SEC22B: variants seen among roughly 807,000 people sequenced by gnomAD.
SEC22B encodes the protein vesicle-trafficking protein SEC22b.
A neutral mutation model predicts 31.4 loss-of-function variants in SEC22B; 10 were observed. The observed-to-expected ratio is 0.32, with a 90% CI of 0.20 to 0.54. The LOEUF (loss-of-function observed/expected upper bound fraction) is 0.54. SEC22B is among the 20% of genes least tolerant of loss of function. The pLI is 0.94. For synonymous variants in SEC22B, 60 were observed against 95.9 expected, an observed-to-expected ratio of 0.63 and a Z score of 2.19; for missense variants, 130 against 263.4, an observed-to-expected ratio of 0.49 and a Z score of 3.50.
intron 1 of SEC22B, among the ~76,000 whole-genome samples, chr1:120,169,613 C>T (rs1471582108): frequency 6.0e-5 from 9 of 149,564 alleles, no homozygotes; most frequent in Non-Finnish European, 1.2e-4. Context: ...GTTATAATTA[C>T]AGGTAATATT....
intron 2 of SEC22B, among the ~76,000 whole-genome samples, chr1:120,167,635 G>A (rs1451079713): frequency 2.0e-5 from 3 of 151,644 alleles, no homozygotes; most frequent in Non-Finnish European, 4.4e-5. Flanking sequence ...TAGTATACTT[G>A]TTTGAGTATA....
chr1:120,163,440 A>ATC (rs1657751727), intron 2 of SEC22B, 70 bp from the exon 3 acceptor site: 1 of 1,044,362 alleles, frequency 9.6e-7, no homozygotes, highest in Non-Finnish European at 1.3e-6. Context: ...TTAAAGCAGA[A>ATC]TCTCTGTACC....
At position 120,153,263 on chromosome 1, in the gene SEC22B, AC is replaced by A; in HGVS notation, c.*3774del. ...TGGGAAAAAACCAACCAACCAACCA[AC>A]CAAACAAAAGAAAAACCCACCAGGT... On this transcript the variant is annotated 3_prime_UTR_variant, in exon 5 of 5. Coordinates refer to ENST00000578049, the MANE Select transcript of SEC22B (RefSeq NM_004892.6). The A allele has an allele frequency of 7.0e-6, 1 of 143,388 alleles. No individual in the cohort carries two copies. The allele number at this position is 143,388 out of a possible 1,614,324, so 8.9% of individuals were successfully genotyped here. A position where few individuals can be genotyped will look rare whatever the true frequency, so the allele number is the denominator to read the frequency against.
Position 120,176,502 on chromosome 1 carries a change from C to G in SEC22B, c.-121G>C. The G allele has an allele frequency of 2.3e-6, 2 of 869,874 alleles. No homozygotes were observed. Among genetic ancestry groups the G allele is most frequent in the Non-Finnish European group, 3.6e-6 (2 of 554,386 alleles). The allele number at this position is 869,874 out of a possible 1,614,324, so 53.9% of individuals were successfully genotyped here. A position where few individuals can be genotyped will look rare whatever the true frequency, so the allele number is the denominator to read the frequency against. ...TTACCGGAGATCCAGCTGCTTGCGT[C>G]TCCGCTTCCCGCTGAGGTGGCCGGA... On this transcript the variant is annotated 5_prime_UTR_variant, in exon 1 of 5. Coordinates refer to ENST00000578049, the MANE Select transcript of SEC22B (RefSeq NM_004892.6).
chr1:120,176,417 A>C lies in SEC22B; in HGVS notation c.-36T>G. ...TACAGGGATCCAACACTGGCCCGGA[A>C]GGCCCTTGGCGCCGTCCTCACTTCC... is the stretch of plus-strand genomic sequence containing the variant. On this transcript the variant is annotated 5_prime_UTR_variant, in exon 1 of 5. Transcript: ENST00000578049. The C allele has an allele frequency of 6.3e-7, 1 of 1,598,118 alleles. No individual in the cohort carries two copies.
At chr1:120,160,637 C>T (rs1657700139) in intron 3 of SEC22B, 107 bp from the exon 4 acceptor site, 1 of 867,834 alleles carries the variant, frequency 1.2e-6, no homozygotes, top group Non-Finnish European at 1.7e-6. Context: ...CACCTGTAAT[C>T]CCAGCACTTT....
chr1:120,162,870 G>C (rs1390557531), intron 3 of SEC22B, among the ~76,000 whole-genome samples: 1 of 151,910 alleles, frequency 6.6e-6, no homozygotes, highest in Non-Finnish European at 1.5e-5. Context: ...CTGTGGACTG[G>C]GGTAAAGAAG....
chr1:120,166,083 C>T (rs1285249710), intron 2 of SEC22B, among the ~76,000 whole-genome samples: 105 of 150,818 alleles, frequency 7.0e-4, no homozygotes, highest in Admixed American at 2.0e-3. Flanking sequence ...AAAACCACAA[C>T]GACATATTAT....
At chr1:120,162,787 A>G (rs1432284825) in intron 3 of SEC22B, among the ~76,000 whole-genome samples, 1 of 152,164 alleles carries the variant, frequency 6.6e-6, no homozygotes, top group Non-Finnish European at 1.5e-5. Context: ...TTCTACTAAA[A>G]GAAACAAAAC....
At chr1:120,157,387 T>C (rs1388689750) in intron 4 of SEC22B, 195 bp from the exon 5 acceptor site, 5 of 386,822 alleles carry the variant, frequency 1.3e-5, no homozygotes, top group African/African-American at 1.0e-4. Context: ...TGAGGCTATA[T>C]AGTAAGGTGG....
intron 1 of SEC22B, among the ~76,000 whole-genome samples, chr1:120,172,943 A>G (rs1180440655): frequency 2.0e-5 from 3 of 149,288 alleles, no homozygotes; most frequent in Admixed American, 6.6e-5. Flanking sequence ...TAGACACACA[A>G]CCACAATACT....
chr1:120,159,856 C>T (rs1657685207), intron 4 of SEC22B, among the ~76,000 whole-genome samples: 2 of 151,918 alleles, frequency 1.3e-5, no homozygotes, highest in South Asian at 2.1e-4. Flanking sequence ...TTGCATCTTC[C>T]TTATTTTCCA....
chr1:120,165,723 T>C (rs1455076299), intron 2 of SEC22B, among the ~76,000 whole-genome samples: 2 of 152,132 alleles, frequency 1.3e-5, no homozygotes, highest in Non-Finnish European at 2.9e-5. Context: ...TCTTTTCTGT[T>C]GCCTGTGCTT....
At chr1:120,170,994 A>AATT (rs1657888823) in intron 1 of SEC22B, among the ~76,000 whole-genome samples, 2 of 108,858 alleles carry the variant, frequency 1.8e-5, no homozygotes, top group Non-Finnish European at 3.5e-5. Flanking sequence ...ATTCTTTAAT[A>AATT]AAAAAAAGAA....
At chr1:120,176,276 T>C in intron 1 of SEC22B, 31 bp downstream of exon 1, 1 of 1,599,880 alleles carries the variant, frequency 6.3e-7, no homozygotes, top group Admixed American at 1.7e-5. Flanking sequence ...GACAGAGACT[T>C]GGGGTCGCGG....
At chr1:120,168,112 A>G (rs1657841447) in intron 2 of SEC22B, among the ~76,000 whole-genome samples, 1 of 151,902 alleles carries the variant, frequency 6.6e-6, no homozygotes. Context: ...TTATCTTACT[A>G]TCTAAGTCCC....
At position 120,156,307 on chromosome 1, in the gene SEC22B, A is replaced by G. The variant is rs1657625585; in HGVS notation, c.*731T>C. On this transcript the variant is annotated 3_prime_UTR_variant, in exon 5 of 5. Coordinates refer to ENST00000578049, the MANE Select transcript of SEC22B (RefSeq NM_004892.6). ...CAAAATAAAAGTAATAATGACCCAA[A>G]CTAATTTAAGTCTTTTGTTTAAGGA... The G allele has an allele frequency of 1.3e-5, 2 of 151,844 alleles. No homozygotes were observed. Among genetic ancestry groups the G allele is most frequent in the Non-Finnish European group, 1.5e-5 (1 of 67,900 alleles). The allele number at this position is 151,844 out of a possible 1,614,324, so 9.4% of individuals were successfully genotyped here. A position where few individuals can be genotyped will look rare whatever the true frequency, so the allele number is the denominator to read the frequency against.
At position 120,176,489 on chromosome 1, in the gene SEC22B, C is replaced by G. The variant is rs1357284158; in HGVS notation, c.-108G>C. ...CCCTATGTCTCAGTTACCGGAGATC[C>G]AGCTGCTTGCGTCTCCGCTTCCCGC... On this transcript the variant is annotated 5_prime_UTR_variant, in exon 1 of 5. Transcript: ENST00000578049. 7.2e-6 allele frequency: 7 copies of G among 974,716 alleles called. No individual in the cohort carries two copies. The Admixed American group carries it at 1.5e-4, about 21-fold the overall frequency. The allele number at this position is 974,716 out of a possible 1,614,324, so 60.4% of individuals were successfully genotyped here.
rs1359345346 is a variant in SEC22B, at chr1:120,152,732, A to T, written c.*4306T>A. The T allele has an allele frequency of 2.2e-5, 3 of 136,368 alleles. 1 individual carries two copies. The highest frequency in any genetic ancestry group is 1.1e-4 in the African/African-American group (3 of 28,384). 8.4% of individuals were successfully genotyped at this position (136,368 alleles called of 1,614,324 possible). On this transcript the variant is annotated 3_prime_UTR_variant, in exon 5 of 5. Coordinates refer to ENST00000578049, the MANE Select transcript of SEC22B (RefSeq NM_004892.6). The stretch of plus-strand genomic sequence containing the variant: ...CGGAATAATAAAAAGAAATTGCAAA[A>T]AATAACTTTTGAAAATAAACATACT...
Sources: gnomAD v4.1 joint callset for allele counts (sites outside exome capture counted in the v4.1 genomes callset) on GRCh38, gnomAD v4.1.1 for gene constraint, MANE v1.5 for transcripts, NCBI Gene and HGNC (gene_info 2026-07-23, HGNC 2026-07-21) for gene names.